ZNF630: variants seen among roughly 807,000 people sequenced by gnomAD.
ZNF630 encodes the protein zinc finger protein 630.
In ZNF630, 5 loss-of-function variants were observed where a neutral mutation model predicts 7.2. That is an observed-to-expected ratio of 0.70 (90% CI 0.36 to 1.46). The LOEUF is 1.46. ZNF630 is among the 40% of genes most tolerant of loss of function. The pLI, the probability that ZNF630 is intolerant of heterozygous loss-of-function variation, is 0.03. For synonymous variants in ZNF630, 158 were observed against 162.8 expected (o/e 0.97, Z 0.23); for missense variants, 461 against 477.0 (o/e 0.97, Z 0.31).
In ZNF630 at chrX:48,060,200, C is replaced by T. The variant is rs1343432677; in HGVS notation, c.242G>A (p.Arg81Lys). The T allele has an allele frequency of 1.1e-5, 12 of 1,133,744 alleles. 1 individual carries two copies. The highest frequency in any genetic ancestry group is 1.4e-5 in the Non-Finnish European group (12 of 858,212). 93.4% of individuals were successfully genotyped at this position (1,133,744 alleles called of 1,213,427 possible). Residue 81 changes from arginine (R) to lysine (K), a missense_variant, in exon 5 of 5, where the codon AGA becomes AAA. Arg to Lys is a conservative substitution (Grantham distance 26). Transcript: ENST00000276054. ...CTGGGAAGATTCAAGGCCTTTCACT[C>T]TGTCTGAAGGAAGAAGAAAGAGGGA... The part of the protein sequence containing the change: ...SELSRWIYPD[R>K]VKGLESSQQI...
intron 1 of ZNF630, among the ~76,000 whole-genome samples, chrX:48,070,575 T>C (rs930980836): frequency 3.3e-4 from 32 of 95,687 alleles, no homozygotes; most frequent in African/African-American, 1.3e-3. Flanking sequence ...ATTTCTCCAC[T>C]GCACTCCAGC....
At position 48,058,409 on chromosome X, in the gene ZNF630, C is replaced by T. The variant is rs150405866; in HGVS notation, c.*59G>A. On this transcript the variant is annotated 3_prime_UTR_variant, in exon 5 of 5. Coordinates refer to ENST00000276054, the MANE Select transcript of ZNF630 (RefSeq NM_001282201.2). ...TTGAGAAGTTGTCACTATTTCTATT[C>T]AATGTGAGTTTTCCCATAGACAATG... The T allele has an allele frequency of 0.024, 26,162 of 1,079,040 alleles. 379 individuals are homozygous for T. Among genetic ancestry groups the T allele is most frequent in the Non-Finnish European group, 0.029 (23,703 of 812,628 alleles). The allele number at this position is 1,079,040 out of a possible 1,213,427, so 88.9% of individuals were successfully genotyped here.
chrX:48,059,277 G>A lies in ZNF630; in HGVS notation c.1165C>T (p.His389Tyr). 1 of 1,208,530 alleles carries A rather than the reference G, an allele frequency of 8.3e-7. No individual in the cohort carries two copies. Reference protein sequence around the residue: ...ECRKAFCEMSHLFIHQITHTG... With the variant: ...ECRKAFCEMSYLFIHQITHTG... ...TGAGTTATCTGGTGTATAAAAAGGT[G>A]AGACATCTCACAGAAGGCTTTCCTG... Residue 389 changes from histidine to tyrosine, a missense_variant, in exon 5 of 5, where the codon CAC (histidine) becomes TAC (tyrosine). His to Tyr is a moderately conservative substitution (Grantham distance 83, BLOSUM62 2). Transcript: ENST00000276054.
chrX:48,061,194 A>G (rs1372449087), intron 2 of ZNF630, among the ~76,000 whole-genome samples: 1 of 111,649 alleles, frequency 9.0e-6, no homozygotes, highest in African/African-American at 3.3e-5. Context: ...ACTATTCAAA[A>G]CTGGAGAGCT....
chrX:48,062,796 C>T (rs1344853237), intron 2 of ZNF630, among the ~76,000 whole-genome samples: 3 of 110,279 alleles, frequency 2.7e-5, no homozygotes, highest in East Asian at 2.8e-4. Context: ...AAAAATTAGC[C>T]GGGTGTGGTG....
Position 48,071,541 on chromosome X carries a change from C to G in ZNF630, c.-450G>C, listed in dbSNP as rs2059160444. The stretch of plus-strand genomic sequence containing the variant: ...CCAGAGGAGAGGTGCGTTTGGGGGC[C>G]CGGGGGAGTCCTCGTGATATCTCCG... On this transcript the variant is annotated 5_prime_UTR_variant, in exon 1 of 5. Transcript: ENST00000276054. The G allele has an allele frequency of 9.0e-6, 1 of 111,157 alleles. No individual in the cohort carries two copies. Among genetic ancestry groups the G allele is most frequent in the Admixed American group, 9.5e-5 (1 of 10,485 alleles). The allele number at this position is 111,157 out of a possible 1,213,427, so 9.2% of individuals were successfully genotyped here.
chrX:48,059,726 T>C lies in ZNF630; in HGVS notation c.716A>G (p.Gln239Arg). The C allele has an allele frequency of 8.3e-7, 1 of 1,208,449 alleles. No individual in the cohort carries two copies. Among genetic ancestry groups the C allele is most frequent in the Non-Finnish European group, 1.1e-6 (1 of 893,204 alleles). The change falls in exon 5 of 5, where the codon CAA (glutamine) becomes CGA (arginine). Residue 239 changes from glutamine to arginine, a missense_variant. Coordinates refer to ENST00000276054, the MANE Select transcript of ZNF630 (RefSeq NM_001282201.2). Reference protein sequence around the residue: ...HTGMEPYGDSQCEKVLSHKQA... With the variant: ...HTGMEPYGDSRCEKVLSHKQA... ...CTTATGACTGAGAACTTTTTCACAT[T>C]GACTATCTCCATAGGGCTCCATTCC...
At chrX:48,063,767 A>G (rs138599872) in intron 2 of ZNF630, among the ~76,000 whole-genome samples, 1,112 of 110,443 alleles carry the variant, frequency 0.01, 26 homozygotes, top group African/African-American at 0.035. Context: ...AGGCACTTGT[A>G]ATCCCTGCTA....
chrX:48,069,846 T>TTTG (rs1556910727), intron 1 of ZNF630, among the ~76,000 whole-genome samples: 2 of 44,221 alleles, frequency 4.5e-5, no homozygotes, highest in Non-Finnish European at 1.0e-4. Flanking sequence ...TGTCTGTTTT[T>TTTG]TTTTTTTTTG....
rs1556910026 is a variant in ZNF630 at position 48,065,898 on chromosome X, T to C, written c.15+974A>G. ...TATTAACAAGGGATTGGCTAGATCA[T>C]GATGATGATGACGATAGGAGTAGGT... On this transcript the variant is annotated intron_variant, in intron 2 of 4. Coordinates refer to ENST00000276054, the MANE Select transcript of ZNF630 (RefSeq NM_001282201.2). Among the ~76,000 whole-genome samples the C allele has an allele frequency of 2.7e-5, 3 of 111,143 alleles. 1 individual carries two copies. The highest frequency in any genetic ancestry group is 9.9e-5 in the African/African-American group (3 of 30,442).
chrX:48,063,899 T>C (rs2059118440), intron 2 of ZNF630, among the ~76,000 whole-genome samples: 1 of 110,788 alleles, frequency 9.0e-6, no homozygotes, highest in Non-Finnish European at 1.9e-5. Context: ...AAAAAATATA[T>C]ATATATACGA....
intron 1 of ZNF630, among the ~76,000 whole-genome samples, chrX:48,068,783 T>C: frequency 1.8e-5 from 2 of 111,490 alleles, no homozygotes; most frequent in Middle Eastern, 4.6e-3. Flanking sequence ...CAATTCCCTC[T>C]ATTTTTGTGG....
At chrX:48,063,753 T>A (rs12391864) in intron 2 of ZNF630, among the ~76,000 whole-genome samples, 6,712 of 109,948 alleles carry the variant, frequency 0.061, 260 homozygotes, top group African/African-American at 0.14. Context: ...CCGGGCGTGG[T>A]GGCAGGCACT....
chrX:48,058,985 G>A lies in ZNF630; in HGVS notation c.1457C>T (p.Pro486Leu). The change falls in exon 5 of 5, where the codon CCT (proline) becomes CTT (leucine). Residue 486 changes from proline to leucine, a missense_variant. Pro to Leu is a moderately conservative substitution (Grantham distance 98). Coordinates refer to ENST00000276054, the MANE Select transcript of ZNF630 (RefSeq NM_001282201.2). ...TTTTCCACATTCAGTACACATATAA[G>A]GTTTCTCTCCAGTATGAAGTCTTTG... is the stretch of plus-strand genomic sequence containing the variant. ...GHQRLHTGEK[P>L]YMCTECGKSF... The A allele has an allele frequency of 2.5e-6, 3 of 1,207,805 alleles. 1 individual carries two copies. Among genetic ancestry groups the A allele is most frequent in the Non-Finnish European group, 3.4e-6 (3 of 893,025 alleles).
chrX:48,069,076 C>A (rs1275008006), intron 1 of ZNF630, among the ~76,000 whole-genome samples: 1 of 109,751 alleles, frequency 9.1e-6, no homozygotes, highest in African/African-American at 3.3e-5. Context: ...CTCGTTTCTA[C>A]AAAAAATAAA....
Position 48,059,600 on chromosome X carries a change from T to A in ZNF630, c.842A>T (p.His281Leu). The A allele has an allele frequency of 8.3e-7, 1 of 1,208,783 alleles. No homozygotes were observed. ...AFIKKSQLII[H>L]QRIHTGEKPY... ...TTTCTCTCCAGTATGAATTCTTTGA[T>A]GTATAATGAGCTGTGACTTCTTGAT... Residue 281 changes from histidine (H) to leucine (L), a missense_variant, in exon 5 of 5, where the codon CAT becomes CTT. His to Leu is a moderately conservative substitution (Grantham distance 99). Coordinates refer to ENST00000276054, the MANE Select transcript of ZNF630 (RefSeq NM_001282201.2).
Position 48,060,234 on chromosome X carries a change from TACACACACACACACACACACAC to T in ZNF630, c.239-53_239-32del, listed in dbSNP as rs56253151. ...GGAAGAAGAAAGAGGGAAAATCAAATACACACACACACACACACACACACACACACACACACACACACACACA... is the reference window on the plus strand; with the variant it reads ...GGAAGAAGAAAGAGGGAAAATCAAATACACACACACACACACACACACACA... On this transcript the variant is annotated intron_variant, in intron 4 of 4. Transcript: ENST00000276054. 1.1e-3 allele frequency: 625 copies of T among 567,382 alleles called. 3 individuals are homozygous for T. Among genetic ancestry groups the T allele is most frequent in the African/African-American group, 0.01 (372 of 36,605 alleles). The allele number at this position is 567,382 out of a possible 1,213,427, so 46.8% of individuals were successfully genotyped here. A position where few individuals can be genotyped will look rare whatever the true frequency, so the allele number is the denominator to read the frequency against.
In ZNF630 at chrX:48,058,350, T is replaced by G. The variant is rs1218244279; in HGVS notation, c.*118A>C. 2.8e-6 allele frequency: 2 copies of G among 702,719 alleles called. No homozygotes were observed. Among genetic ancestry groups the G allele is most frequent in the African/African-American group, 4.4e-5 (2 of 45,657 alleles). 57.9% of individuals were successfully genotyped at this position (702,719 alleles called of 1,213,427 possible). On this transcript the variant is annotated 3_prime_UTR_variant, in exon 5 of 5. Transcript: ENST00000276054. The stretch of plus-strand genomic sequence containing the variant: ...AGATCATTCTGTGGAAGGGTAATCA[T>G]GTATACTGAGGAACATATTAGTCTA...
chrX:48,062,809 A>G lies in ZNF630; in HGVS notation c.16-1864T>C, dbSNP rs535735418. ...CAAAAAATTAGCCGGGTGTGGTGGCACACACCTATAGTCCCAGCTACTAGG... is the reference window on the plus strand; with the variant it reads ...CAAAAAATTAGCCGGGTGTGGTGGCGCACACCTATAGTCCCAGCTACTAGG... On this transcript the variant is annotated intron_variant, in intron 2 of 4. Coordinates refer to ENST00000276054, the MANE Select transcript of ZNF630 (RefSeq NM_001282201.2). Among the ~76,000 whole-genome samples the G allele has an allele frequency of 6.2e-4, 69 of 110,472 alleles. 1 individual carries two copies. In the South Asian group the frequency reaches 0.026, roughly 42 times the overall value.
Sources: allele counts gnomAD v4.1 joint callset (sites outside exome capture counted in the v4.1 genomes callset), GRCh38; gene constraint gnomAD v4.1.1; transcripts MANE v1.5; gene names NCBI Gene and HGNC (gene_info 2026-07-23, HGNC 2026-07-21).